The following SEMA5A variants were observed in gnomAD, a reference collection of about 807,000 sequenced individuals.
SEMA5A encodes semaphorin 5A.
A neutral mutation model predicts 135.5 loss-of-function variants in SEMA5A; 55 were observed. That is an observed-to-expected ratio of 0.41 (90% CI 0.33 to 0.51). SEMA5A has a LOEUF of 0.51. Ranked by LOEUF, SEMA5A falls within the 20% of genes least tolerant of loss-of-function variation. The pLI, the probability that SEMA5A is intolerant of heterozygous loss-of-function variation, is 0.37. For missense variants in SEMA5A, 1,290 were observed against 1,419.9 expected, an observed-to-expected ratio of 0.91 and a Z score of 1.47; for synonymous variants, 580 against 546.5, an observed-to-expected ratio of 1.06 and a Z score of -0.85.
intron 20 of SEMA5A, 59 bp downstream of exon 20, chr5:9,051,814 T>C: frequency 6.2e-7 from 1 of 1,604,196 alleles, no homozygotes. Context: ...CTATGAATCA[T>C]TTTCTCTCTC....
At chr5:9,318,564 G>A in intron 4 of SEMA5A, 147 bp from the exon 5 acceptor site, 1 of 647,870 alleles carries the variant, frequency 1.5e-6, no homozygotes, top group Non-Finnish European at 2.6e-6. Flanking sequence ...ACTTTCCTTG[G>A]ATCTTAGAGT....
chr5:9,471,293 G>T (rs1232092615), intron 1 of SEMA5A, among the ~76,000 whole-genome samples: 2 of 152,184 alleles, frequency 1.3e-5, no homozygotes, highest in Non-Finnish European at 2.9e-5. Context: ...GACCCTTCTT[G>T]GGAGTGTCCC....
At chr5:9,188,726 C>T (rs1444550425) in intron 11 of SEMA5A, among the ~76,000 whole-genome samples, 2 of 101,082 alleles carry the variant, frequency 2.0e-5, no homozygotes, top group Non-Finnish European at 3.6e-5. Flanking sequence ...GTGCCGGGTA[C>T]CCTGGGGAAA....
At chr5:9,154,779 G>T in intron 11 of SEMA5A, 84 bp from the exon 12 acceptor site, 1 of 1,200,780 alleles carries the variant, frequency 8.3e-7, no homozygotes, top group Non-Finnish European at 1.2e-6. Flanking sequence ...TGCTGTGTAT[G>T]CAGCCATGGA....
intron 4 of SEMA5A, among the ~76,000 whole-genome samples, chr5:9,321,125 T>C (rs569998102): frequency 1.3e-5 from 2 of 152,214 alleles, no homozygotes; most frequent in African/African-American, 2.4e-5. Context: ...GCATCTGGCA[T>C]TTCCCCTGCT....
chr5:9,312,888 T>A (rs971337785), intron 5 of SEMA5A, among the ~76,000 whole-genome samples: 11 of 152,306 alleles, frequency 7.2e-5, no homozygotes, highest in African/African-American at 1.9e-4. Flanking sequence ...ATTTTTCTCA[T>A]CACTCAATTT....
intron 1 of SEMA5A, among the ~76,000 whole-genome samples, chr5:9,525,083 A>G (rs1737055049): frequency 6.6e-6 from 1 of 152,260 alleles, no homozygotes; most frequent in South Asian, 2.1e-4. Flanking sequence ...GCTATTTCAT[A>G]TGGTTTAGGC....
chr5:9,074,612 C>T (rs564380600), intron 16 of SEMA5A, among the ~76,000 whole-genome samples: 3 of 152,136 alleles, frequency 2.0e-5, no homozygotes, highest in African/African-American at 7.2e-5. Context: ...AAGACTTGCA[C>T]CCATTATGTA....
In SEMA5A at chr5:9,408,371, T is replaced by C. The variant is rs115413744; in HGVS notation, c.-77-28348A>G. Among the ~76,000 whole-genome samples the C allele has an allele frequency of 3.5e-3, 539 of 152,346 alleles. 1 individual carries two copies. Among genetic ancestry groups the C allele is most frequent in the Non-Finnish European group, 5.7e-3 (389 of 68,038 alleles). ...TAGACTTTTCTACTTCCTGCACTTTTACAATTCCAGAACTTTCTGAAGTCA... is the reference window on the plus strand; with the variant it reads ...TAGACTTTTCTACTTCCTGCACTTTCACAATTCCAGAACTTTCTGAAGTCA... On this transcript the variant is annotated intron_variant, in intron 2 of 22. Coordinates refer to ENST00000382496, the MANE Select transcript of SEMA5A (RefSeq NM_003966.3).
intron 21 of SEMA5A, among the ~76,000 whole-genome samples, chr5:9,049,149 C>CCAT (rs1736426526): frequency 9.6e-6 from 1 of 104,206 alleles, no homozygotes; most frequent in Non-Finnish European, 2.0e-5. Flanking sequence ...GTGAGCTCTT[C>CCAT]TATTATTTAT....
At chr5:9,480,885 T>G (rs1378476258) in intron 1 of SEMA5A, among the ~76,000 whole-genome samples, 2 of 152,216 alleles carry the variant, frequency 1.3e-5, no homozygotes, top group East Asian at 3.8e-4. Context: ...TTATTACTGT[T>G]AGTGATAAAC....
chr5:9,382,222 T>C (rs1486816422), intron 2 of SEMA5A, among the ~76,000 whole-genome samples: 1 of 152,088 alleles, frequency 6.6e-6, no homozygotes, highest in African/African-American at 2.4e-5. Flanking sequence ...ATTGCATTAG[T>C]CCAGAAGCTC....
At chr5:9,050,290 A>G in intron 21 of SEMA5A, 120 bp downstream of exon 21, 1 of 844,872 alleles carries the variant, frequency 1.2e-6, no homozygotes, top group Non-Finnish European at 1.8e-6. Context: ...GGGATCCATG[A>G]CTTTCTCCGG....
intron 2 of SEMA5A, among the ~76,000 whole-genome samples, chr5:9,388,584 A>G (rs2126518945): frequency 6.6e-6 from 1 of 152,280 alleles, no homozygotes; most frequent in East Asian, 1.9e-4. Flanking sequence ...AGGGCAGAAA[A>G]TTCATGTGGA....
At chr5:9,302,711 C>A (rs1751669784) in intron 5 of SEMA5A, among the ~76,000 whole-genome samples, 1 of 152,174 alleles carries the variant, frequency 6.6e-6, no homozygotes, top group Non-Finnish European at 1.5e-5. Flanking sequence ...CATAGAACCA[C>A]CTACTGTCAC....
chr5:9,350,020 A>C (rs4702623), intron 3 of SEMA5A, among the ~76,000 whole-genome samples: 100,295 of 151,708 alleles, frequency 0.66, 34,049 homozygotes, highest in South Asian at 0.76. Context: ...ACTGCACTGG[A>C]CACCTTTCAA....
At position 9,088,135 on chromosome 5, in the gene SEMA5A, C is replaced by A. The variant is rs978150051; in HGVS notation, c.2073+20005G>T. 2.6e-5 allele frequency among the ~76,000 whole-genome samples: 4 copies of A among 151,810 alleles called. No homozygotes were observed. In the South Asian group the frequency reaches 6.2e-4, roughly 24 times the overall value. On this transcript the variant is annotated intron_variant, in intron 16 of 22. Coordinates refer to ENST00000382496, the MANE Select transcript of SEMA5A (RefSeq NM_003966.3). ...CATTCTGCCCAACATGGTGAAACCC[C>A]GTCTGCACTAAAAATGCAAAAATTA...
chr5:9,414,335 GAC>G (rs1430034053), intron 2 of SEMA5A, among the ~76,000 whole-genome samples: 1 of 152,182 alleles, frequency 6.6e-6, no homozygotes, highest in Admixed American at 6.5e-5. Flanking sequence ...CATCGAAGAT[GAC>G]AGTTTTCCTC....
At chr5:9,499,972 CATAA>C (rs1213597812) in intron 1 of SEMA5A, among the ~76,000 whole-genome samples, 4 of 152,024 alleles carry the variant, frequency 2.6e-5, no homozygotes, top group Admixed American at 1.3e-4. Context: ...GCAATAGGTT[CATAA>C]ATAAATAGAA....
Sources: gnomAD v4.1 joint callset for allele counts (sites outside exome capture counted in the v4.1 genomes callset) on GRCh38, gnomAD v4.1.1 for gene constraint, MANE v1.5 for transcripts, NCBI Gene and HGNC (gene_info 2026-07-23, HGNC 2026-07-21) for gene names.